Variants in CACNB2 observed in about 807,000 individuals in gnomAD.
CACNB2 encodes the protein calcium voltage-gated channel auxiliary subunit beta 2.
A neutral mutation model predicts 73.3 loss-of-function variants in CACNB2; 42 were observed. That is an observed-to-expected ratio of 0.57 (90% confidence interval 0.45 to 0.74). CACNB2 has a LOEUF of 0.74. CACNB2 is among the 30% of genes least tolerant of loss of function. CACNB2 has a pLI of 0.00. For synonymous variants in CACNB2, 348 were observed against 310.3 expected (o/e 1.12, Z -1.28); for missense variants, 940 against 853.0 (o/e 1.10, Z -1.27).
chr10:18,209,066 A>C (rs2035215608), intron 2 of CACNB2, among the ~76,000 whole-genome samples: 1 of 152,244 alleles, frequency 6.6e-6, no homozygotes, highest in Non-Finnish European at 1.5e-5. Flanking sequence ...CTGCCATTCC[A>C]CATTACCTGC....
chr10:18,243,572 G>C (rs931266756), intron 2 of CACNB2, among the ~76,000 whole-genome samples: 2 of 152,132 alleles, frequency 1.3e-5, no homozygotes, highest in Admixed American at 1.3e-4. Context: ...GGTGGTGTTT[G>C]GTTCATGAGG....
intron 2 of CACNB2, among the ~76,000 whole-genome samples, chr10:18,177,230 A>C (rs1197637255): frequency 6.6e-6 from 1 of 152,172 alleles, no homozygotes; most frequent in Non-Finnish European, 1.5e-5. Context: ...GTATTTTACC[A>C]TAGTTGAAGA....
intron 2 of CACNB2, among the ~76,000 whole-genome samples, chr10:18,231,160 TC>T (rs1340251841): frequency 3.3e-5 from 5 of 152,156 alleles, no homozygotes; most frequent in Admixed American, 2.0e-4. Flanking sequence ...GCTTGTGGTA[TC>T]ATGTTCAACT....
At chr10:18,168,906 C>A (rs370899266) in intron 2 of CACNB2, among the ~76,000 whole-genome samples, 17 of 152,290 alleles carry the variant, frequency 1.1e-4, no homozygotes, top group Admixed American at 3.9e-4. Flanking sequence ...TGTTTCCCTG[C>A]AAAGACCTTA....
At chr10:18,203,290 T>C (rs1057006950) in intron 2 of CACNB2, among the ~76,000 whole-genome samples, 2 of 152,170 alleles carry the variant, frequency 1.3e-5, no homozygotes, top group East Asian at 3.9e-4. Flanking sequence ...GGTTGCAGCA[T>C]GGCAACTTTA....
At chr10:18,376,169 A>C (rs1244131125) in intron 2 of CACNB2, among the ~76,000 whole-genome samples, 2 of 152,238 alleles carry the variant, frequency 1.3e-5, no homozygotes, top group African/African-American at 4.8e-5. Flanking sequence ...GCCATAAAAA[A>C]TCAGTTTCTG....
At chr10:18,192,061 A>C (rs1179931353) in intron 2 of CACNB2, among the ~76,000 whole-genome samples, 2 of 151,758 alleles carry the variant, frequency 1.3e-5, no homozygotes, top group Admixed American at 1.3e-4. Flanking sequence ...GACTTGAGGC[A>C]GGAATCTAGG....
intron 1 of CACNB2, among the ~76,000 whole-genome samples, chr10:18,149,545 A>G (rs1410229806): frequency 1.3e-5 from 2 of 152,220 alleles, no homozygotes; most frequent in Non-Finnish European, 2.9e-5. Flanking sequence ...CCTCTCACTG[A>G]TAGCAAATTC....
intron 2 of CACNB2, among the ~76,000 whole-genome samples, chr10:18,379,975 C>G (rs1192662251): frequency 6.6e-6 from 1 of 152,188 alleles, no homozygotes; most frequent in Non-Finnish European, 1.5e-5. Flanking sequence ...CTATGAGCCA[C>G]CACACCTGGC....
intron 2 of CACNB2, among the ~76,000 whole-genome samples, chr10:18,210,580 T>C (rs1214597567): frequency 6.6e-6 from 1 of 152,164 alleles, no homozygotes; most frequent in Non-Finnish European, 1.5e-5. Flanking sequence ...TCCACCTGTA[T>C]AACGCTGAGT....
intron 9 of CACNB2, among the ~76,000 whole-genome samples, chr10:18,525,520 T>C (rs1251282465): frequency 6.6e-6 from 1 of 152,200 alleles, no homozygotes; most frequent in Admixed American, 6.5e-5. Context: ...TCTAGTGCTT[T>C]GATTCTAGAC....
At chr10:18,347,343 A>G (rs1320287447) in intron 2 of CACNB2, among the ~76,000 whole-genome samples, 2 of 82,864 alleles carry the variant, frequency 2.4e-5, no homozygotes, top group Non-Finnish European at 4.8e-5. Flanking sequence ...ATGCCCGTCT[A>G]ATTTTTTTTT....
In CACNB2 at chr10:18,267,442, C is replaced by T. The variant is rs191279577; in HGVS notation, c.213+116467C>T. 5.6e-3 allele frequency among the ~76,000 whole-genome samples: 848 copies of T among 152,142 alleles called. 6 individuals are homozygous for T. Among genetic ancestry groups the T allele is most frequent in the Non-Finnish European group, 9.1e-3 (620 of 67,986 alleles). ...CCAACATGGTGAAACCCCATCTCTA[C>T]TAAACATACAGAAATTAGCCAGGTG... On this transcript the variant is annotated intron_variant, in intron 2 of 13. Transcript: ENST00000324631.
intron 2 of CACNB2, among the ~76,000 whole-genome samples, chr10:18,245,238 T>G (rs1204109612): frequency 1.3e-5 from 2 of 152,176 alleles, no homozygotes; most frequent in Non-Finnish European, 2.9e-5. Flanking sequence ...TAGAAATGTC[T>G]TCTATGTGTC....
At chr10:18,230,739 T>A (rs1174823530) in intron 2 of CACNB2, among the ~76,000 whole-genome samples, 2 of 152,158 alleles carry the variant, frequency 1.3e-5, no homozygotes, top group Non-Finnish European at 2.9e-5. Flanking sequence ...CACCTCTTAC[T>A]AAATGGGGAG....
intron 2 of CACNB2, among the ~76,000 whole-genome samples, chr10:18,367,825 C>G (rs1463201004): frequency 6.6e-6 from 1 of 152,066 alleles, no homozygotes; most frequent in Non-Finnish European, 1.5e-5. Context: ...GTATATAATT[C>G]AATTCAAATT....
At chr10:18,421,865 G>T (rs2045342463) in intron 3 of CACNB2, among the ~76,000 whole-genome samples, 1 of 152,156 alleles carries the variant, frequency 6.6e-6, no homozygotes, top group African/African-American at 2.4e-5. Context: ...GAACGTTGGG[G>T]TGTATTCCTT....
chr10:18,485,057 A>G (rs2048987342), intron 3 of CACNB2, among the ~76,000 whole-genome samples: 2 of 152,116 alleles, frequency 1.3e-5, no homozygotes, highest in African/African-American at 4.8e-5. Flanking sequence ...TGGGAGGATC[A>G]TTTGAGCATG....
At chr10:18,525,048 A>AAAAAC (rs1554838145) in intron 9 of CACNB2, among the ~76,000 whole-genome samples, 7 of 147,674 alleles carry the variant, frequency 4.7e-5, no homozygotes, top group Non-Finnish European at 6.0e-5. Context: ...AAAAAAAAAA[A>AAAAAC]ACACATTATA....
Sources: gnomAD v4.1 joint callset for allele counts (sites outside exome capture counted in the v4.1 genomes callset) on GRCh38, gnomAD v4.1.1 for gene constraint, MANE v1.5 for transcripts, NCBI Gene and HGNC (gene_info 2026-07-23, HGNC 2026-07-21) for gene names.